Variants in GPHN observed in about 807,000 individuals in gnomAD.
GPHN encodes gephyrin.
In GPHN, 17 loss-of-function variants were observed where a neutral mutation model predicts 95.5. The observed-to-expected ratio is 0.18, with a 90% CI of 0.12 to 0.27. The LOEUF (loss-of-function observed/expected upper bound fraction) is 0.27, where lower values mean the gene tolerates loss of function less well. Among genes scored for constraint, GPHN ranks in the 10% least tolerant of loss-of-function variants. The pLI, the probability that GPHN is intolerant of heterozygous loss-of-function variation, is 1.00. For missense variants in GPHN, 660 were observed against 978.1 expected (o/e 0.67, Z 4.34); for synonymous variants, 320 against 322.5 (o/e 0.99, Z 0.08).
At chr14:67,320,346 C>T in the GPHN span, 5 of 1,612,468 alleles carry the variant, frequency 3.1e-6, no homozygotes, top group African/African-American at 2.7e-5. Context: ...GAATGAATTG[C>T]GTCAGAGGCT....
At position 66,857,162 on chromosome 14, in the gene GPHN, G is replaced by T. The variant is rs1021836178; in HGVS notation, c.295-22777G>T. On this transcript the variant is annotated intron_variant, in intron 4 of 22. Coordinates refer to ENST00000478722, the MANE Select transcript of GPHN (RefSeq NM_020806.5). ...ATGTAATGATATAATTACATAGAGAGATTATATGATGGAAATATGAGAAAA... is the reference window on the plus strand; with the variant it reads ...ATGTAATGATATAATTACATAGAGATATTATATGATGGAAATATGAGAAAA... Among the ~76,000 whole-genome samples, 3 of 152,012 alleles carry T rather than the reference G, an allele frequency of 2.0e-5. No individual in the cohort carries two copies. In the South Asian group the frequency reaches 6.2e-4, roughly 32 times the overall value.
chr14:66,680,526 C>T (rs1707699490), intron 1 of GPHN, among the ~76,000 whole-genome samples: 1 of 152,148 alleles, frequency 6.6e-6, no homozygotes, highest in Non-Finnish European at 1.5e-5. Context: ...CATCAGATTC[C>T]AGTTTTTCAT....
intron 19 of GPHN, among the ~76,000 whole-genome samples, chr14:67,160,911 A>G (rs1400079450): frequency 1.3e-5 from 2 of 152,252 alleles, no homozygotes; most frequent in Non-Finnish European, 2.9e-5. Flanking sequence ...ACAATTTGAT[A>G]GAATTCTTGG....
chr14:67,338,473 G>T, the GPHN span: 1 of 843,496 alleles, frequency 1.2e-6, no homozygotes, highest in African/African-American at 1.7e-5. Flanking sequence ...TTCTGCAAAA[G>T]TAATCCCATA....
At chr14:66,527,410 A>C (rs2058736485) in intron 1 of GPHN, among the ~76,000 whole-genome samples, 1 of 151,554 alleles carries the variant, frequency 6.6e-6, no homozygotes, top group Non-Finnish European at 1.5e-5. Context: ...CAAAAAAAAA[A>C]AAACAGCTCC....
Position 66,508,396 on chromosome 14 carries a change from C to T in GPHN, c.-132C>T. 1 of 844,594 alleles carries T rather than the reference C, an allele frequency of 1.2e-6. No homozygotes were observed. Among genetic ancestry groups the T allele is most frequent in the African/African-American group, 1.7e-5 (1 of 60,362 alleles). 52.3% of individuals were successfully genotyped at this position (844,594 alleles called of 1,614,324 possible). ...CCGTGCACTCTGTGGCCTCCCCCTC[C>T]TTCCCCGCTCTCCTCGCGCTTCTCT... On this transcript the variant is annotated 5_prime_UTR_variant, in exon 1 of 23. Coordinates refer to ENST00000478722, the MANE Select transcript of GPHN (RefSeq NM_020806.5).
chr14:66,974,634 T>G (rs1248519835), intron 9 of GPHN, among the ~76,000 whole-genome samples: 1 of 152,132 alleles, frequency 6.6e-6, no homozygotes, highest in Non-Finnish European at 1.5e-5. Flanking sequence ...TATAGTTTCT[T>G]TTTTGTTTAA....
the GPHN span, among the ~76,000 whole-genome samples, chr14:67,565,338 G>T: frequency 6.6e-6 from 1 of 152,136 alleles, no homozygotes; most frequent in South Asian, 2.1e-4. Flanking sequence ...TGTACTCCTG[G>T]ACTCAAGGGA....
the GPHN span, among the ~76,000 whole-genome samples, chr14:67,315,307 C>T: frequency 3.3e-4 from 39 of 117,580 alleles, no homozygotes; most frequent in South Asian, 3.8e-3. Flanking sequence ...GACAAAATCT[C>T]GCTCTGTCTC....
At chr14:67,317,268 G>A in the GPHN span, 2 of 670,538 alleles carry the variant, frequency 3.0e-6, no homozygotes, top group Non-Finnish European at 4.9e-6. Context: ...TTCAAGACAA[G>A]CGTGGCCAAC....
chr14:67,180,318 A>C (rs1164928934), intron 22 of GPHN, among the ~76,000 whole-genome samples: 1 of 152,206 alleles, frequency 6.6e-6, no homozygotes, highest in African/African-American at 2.4e-5. Context: ...AGAGAACTGC[A>C]TTCAAACTGG....
At chr14:66,792,975 C>T (rs2060026239) in intron 3 of GPHN, among the ~76,000 whole-genome samples, 1 of 152,280 alleles carries the variant, frequency 6.6e-6, no homozygotes, top group African/African-American at 2.4e-5. Context: ...GCCCTTAAGG[C>T]ACAGATCGCT....
chr14:67,360,365 A>G, the GPHN span: 2 of 396,948 alleles, frequency 5.0e-6, no homozygotes, highest in African/African-American at 2.1e-5. Flanking sequence ...GCTGAGGAGG[A>G]TCGGCGGCCG....
the GPHN span, chr14:67,198,896 A>C: frequency 1.4e-6 from 1 of 689,796 alleles, no homozygotes; most frequent in Non-Finnish European, 2.7e-6. Flanking sequence ...TCATACCTCT[A>C]AAGTTCCTAG....
chr14:66,562,771 G>A (rs961827030), intron 1 of GPHN, among the ~76,000 whole-genome samples: 2 of 152,074 alleles, frequency 1.3e-5, no homozygotes, highest in African/African-American at 4.8e-5. Flanking sequence ...TGGCTGATAA[G>A]GTTCTGGAAT....
At chr14:67,301,201 T>A in the GPHN span, among the ~76,000 whole-genome samples, 3 of 152,308 alleles carry the variant, frequency 2.0e-5, no homozygotes, top group African/African-American at 4.8e-5. Context: ...AGTGTTTTTT[T>A]AATAAGAAAT....
intron 18 of GPHN, among the ~76,000 whole-genome samples, chr14:67,152,514 A>G (rs1342195792): frequency 6.6e-6 from 1 of 152,216 alleles, no homozygotes; most frequent in Non-Finnish European, 1.5e-5. Context: ...GAGAATTCAA[A>G]GAATATACCC....
chr14:67,630,305 G>A, the GPHN span, among the ~76,000 whole-genome samples: 1 of 152,186 alleles, frequency 6.6e-6, no homozygotes, highest in Admixed American at 6.5e-5. Flanking sequence ...TAAACAATTT[G>A]GAAAGTAGTC....
chr14:67,383,501 C>G, the GPHN span: 2 of 1,599,044 alleles, frequency 1.3e-6, no homozygotes, highest in East Asian at 2.3e-5. Context: ...GCTGTAAATC[C>G]TAGACTTGAA....
Sources: gnomAD v4.1 joint callset for allele counts (sites outside exome capture counted in the v4.1 genomes callset) on GRCh38, gnomAD v4.1.1 for gene constraint, MANE v1.5 for transcripts, NCBI Gene and HGNC (gene_info 2026-07-23, HGNC 2026-07-21) for gene names.